The following CNOT6 variants were observed in gnomAD, a reference collection of about 807,000 sequenced individuals.
CNOT6 encodes CCR4-NOT transcription complex subunit 6.
Under a neutral mutation model 61.2 loss-of-function variants are expected in CNOT6, and 12 were observed. The observed-to-expected ratio is 0.20, with a 90% CI of 0.13 to 0.32. The LOEUF (loss-of-function observed/expected upper bound fraction) is 0.32, where lower values mean the gene tolerates loss of function less well. CNOT6 is among the 10% of genes least tolerant of loss of function. The pLI is 1.00. For synonymous variants in CNOT6, 225 were observed against 240.6 expected, an observed-to-expected ratio of 0.94 and a Z score of 0.60; for missense variants, 405 against 663.9, an observed-to-expected ratio of 0.61 and a Z score of 4.28.
chr5:180,541,436 A>G (rs1191272190), intron 2 of CNOT6, among the ~76,000 whole-genome samples: 1 of 94,696 alleles, frequency 1.1e-5, no homozygotes, highest in Non-Finnish European at 2.3e-5. Context: ...ACAACTGGCC[A>G]AGAAATTTTT....
intron 1 of CNOT6, among the ~76,000 whole-genome samples, chr5:180,513,715 A>G (rs1369441660): frequency 6.9e-6 from 1 of 144,018 alleles, no homozygotes. Flanking sequence ...TTATTTATTT[A>G]TTTTTGAGAT....
intron 1 of CNOT6, among the ~76,000 whole-genome samples, chr5:180,519,652 TA>T (rs1182967642): frequency 2.0e-5 from 3 of 152,190 alleles, no homozygotes; most frequent in Non-Finnish European, 4.4e-5. Flanking sequence ...TCCATCACTA[TA>T]GGGGCAAAAT....
At chr5:180,572,702 G>A (rs900262945) in intron 11 of CNOT6, among the ~76,000 whole-genome samples, 10 of 148,854 alleles carry the variant, frequency 6.7e-5, no homozygotes, top group Non-Finnish European at 9.0e-5. Flanking sequence ...GGTGTCCGCC[G>A]CCATACCCAG....
At chr5:180,549,017 T>C (rs1205676733) in intron 2 of CNOT6, among the ~76,000 whole-genome samples, 2 of 152,230 alleles carry the variant, frequency 1.3e-5, no homozygotes, top group African/African-American at 2.4e-5. Flanking sequence ...CTGAATCTTA[T>C]GCCTACTACT....
chr5:180,543,090 A>C (rs1165775760), intron 2 of CNOT6, among the ~76,000 whole-genome samples: 2 of 151,716 alleles, frequency 1.3e-5, no homozygotes, highest in Admixed American at 1.3e-4. Flanking sequence ...ACGGAGTCTC[A>C]CTCTGCCGCC....
intron 1 of CNOT6, among the ~76,000 whole-genome samples, chr5:180,509,340 A>G (rs1757278835): frequency 6.6e-6 from 1 of 151,854 alleles, no homozygotes; most frequent in East Asian, 1.9e-4. Context: ...TTGCCATGTT[A>G]CTGGTCTTGA....
intron 1 of CNOT6, among the ~76,000 whole-genome samples, chr5:180,517,230 C>T (rs1022603510): frequency 3.9e-5 from 6 of 152,200 alleles, no homozygotes; most frequent in Admixed American, 6.5e-5. Flanking sequence ...CCCGACTTTC[C>T]TGGCTCAGGT....
At chr5:180,569,367 G>T in intron 10 of CNOT6, 27 bp downstream of exon 10, 1 of 1,475,512 alleles carries the variant, frequency 6.8e-7, no homozygotes, top group South Asian at 1.2e-5. Flanking sequence ...ATTTTATGTA[G>T]AATATTTTTT....
intron 2 of CNOT6, among the ~76,000 whole-genome samples, chr5:180,545,741 G>T (rs1759284726): frequency 6.6e-6 from 1 of 152,160 alleles, no homozygotes. Flanking sequence ...CATATGGTAA[G>T]TGTATGTTTA....
intron 1 of CNOT6, among the ~76,000 whole-genome samples, chr5:180,509,478 T>G (rs1382120834): frequency 6.6e-6 from 1 of 151,962 alleles, no homozygotes; most frequent in Non-Finnish European, 1.5e-5. Context: ...AGTTTTGCTC[T>G]TGTTGCCCAG....
intron 4 of CNOT6, among the ~76,000 whole-genome samples, chr5:180,557,825 G>A (rs1176781998): frequency 1.3e-5 from 2 of 152,066 alleles, no homozygotes; most frequent in Middle Eastern, 3.2e-3. Flanking sequence ...AAAGTTTTAT[G>A]GTCTTATGTT....
chr5:180,511,658 G>T (rs1403638353), intron 1 of CNOT6, among the ~76,000 whole-genome samples: 3 of 152,096 alleles, frequency 2.0e-5, no homozygotes, highest in Non-Finnish European at 4.4e-5. Flanking sequence ...TCAGCTACTT[G>T]GGAGGCTGAG....
At chr5:180,506,299 AG>A (rs1320351511) in intron 1 of CNOT6, among the ~76,000 whole-genome samples, 1 of 152,222 alleles carries the variant, frequency 6.6e-6, no homozygotes, top group Non-Finnish European at 1.5e-5. Context: ...AGTAGTTGAA[AG>A]CACAAACTCG....
intron 1 of CNOT6, among the ~76,000 whole-genome samples, chr5:180,516,284 G>A (rs1425791783): frequency 6.8e-6 from 1 of 147,962 alleles, no homozygotes; most frequent in Non-Finnish European, 1.5e-5. Context: ...AGGTTCAATC[G>A]ATTCTCCTGC....
intron 2 of CNOT6, among the ~76,000 whole-genome samples, chr5:180,543,090 ACT>A (rs1428832159): frequency 5.3e-5 from 8 of 151,716 alleles, no homozygotes; most frequent in Non-Finnish European, 1.2e-4. Context: ...ACGGAGTCTC[ACT>A]CTGCCGCCCA....
At position 180,514,363 on chromosome 5, in the gene CNOT6, G is replaced by A. The variant is rs562981950; in HGVS notation, c.-2-14912G>A. Among the ~76,000 whole-genome samples the A allele has an allele frequency of 5.7e-3, 861 of 152,248 alleles. 7 individuals carry two copies. The highest frequency in any genetic ancestry group is 7.7e-3 in the South Asian group (37 of 4,824). ...CTTGAAGCTGGAAGGCAGAGGTTGC[G>A]GTGAGCCGAGATAGCGCCACTGCAC... On this transcript the variant is annotated intron_variant, in intron 1 of 11. Coordinates refer to ENST00000261951, the MANE Select transcript of CNOT6 (RefSeq NM_001370472.1).
chr5:180,568,336 AT>A (rs1561666194), intron 9 of CNOT6, among the ~76,000 whole-genome samples: 3 of 151,536 alleles, frequency 2.0e-5, no homozygotes, highest in African/African-American at 4.9e-5. Context: ...CACTTTTGTA[AT>A]TTTTTGGCAG....
At chr5:180,553,573 T>A in intron 4 of CNOT6, 102 bp downstream of exon 4, 1 of 805,736 alleles carries the variant, frequency 1.2e-6, no homozygotes, top group Non-Finnish European at 2.0e-6. Context: ...AAGACTCATT[T>A]TCCCCCAGAC....
intron 1 of CNOT6, among the ~76,000 whole-genome samples, chr5:180,510,838 C>G (rs1294536933): frequency 1.3e-5 from 2 of 151,740 alleles, no homozygotes; most frequent in African/African-American, 2.4e-5. Flanking sequence ...GAGTCTCGCT[C>G]TCGTCACCCA....
Sources: allele counts gnomAD v4.1 joint callset (sites outside exome capture counted in the v4.1 genomes callset), GRCh38; gene constraint gnomAD v4.1.1; transcripts MANE v1.5; gene names NCBI Gene and HGNC (gene_info 2026-07-23, HGNC 2026-07-21).